Variants in PLXNA2 observed in about 807,000 individuals in gnomAD.
PLXNA2 encodes plexin A2, also known as plexin-A2.
PLXNA2 carries 91 observed loss-of-function variants against 193.5 expected under a neutral mutation model. That is an observed-to-expected ratio of 0.47 (90% CI 0.40 to 0.56). The LOEUF is 0.56. Ranked by LOEUF, PLXNA2 falls within the 20% of genes least tolerant of loss-of-function variation. The probability of loss-of-function intolerance (pLI) is 0.00; values close to 1 mark genes in which losing one functional copy is unlikely to be tolerated. For synonymous variants in PLXNA2, 997 were observed against 1,027.3 expected (o/e 0.97, Z 0.56); for missense variants, 1,995 against 2,503.2 (o/e 0.80, Z 4.33).
At chr1:208,204,069 G>A (rs1366088587) in intron 3 of PLXNA2, among the ~76,000 whole-genome samples, 1 of 152,192 alleles carries the variant, frequency 6.6e-6, no homozygotes, top group African/African-American at 2.4e-5. Context: ...TGGAGACCTT[G>A]GGTTGGTATG....
At chr1:208,138,779 C>A (rs1319445119) in intron 4 of PLXNA2, among the ~76,000 whole-genome samples, 1 of 152,174 alleles carries the variant, frequency 6.6e-6, no homozygotes, top group African/African-American at 2.4e-5. Flanking sequence ...GTAATCCCAG[C>A]ACTTTGGGAG....
chr1:208,126,056 C>T (rs1354610764), intron 4 of PLXNA2, among the ~76,000 whole-genome samples: 1 of 152,162 alleles, frequency 6.6e-6, no homozygotes, highest in Non-Finnish European at 1.5e-5. Context: ...GTACTGCATC[C>T]CCTCCTTCCA....
In PLXNA2 at chr1:208,040,072, A is replaced by G; in HGVS notation, c.4287-14T>C. ...ACAGACTCTGTCCTGGGGAAGGGAC[A>G]AAGGGTAAGGGGCAGTCCTTCACAG... On this transcript the variant is annotated splice_polypyrimidine_tract_variant and intron_variant, in intron 22 of 31. Coordinates refer to ENST00000367033, the MANE Select transcript of PLXNA2 (RefSeq NM_025179.4). 1 of 1,612,394 alleles carries G rather than the reference A, an allele frequency of 6.2e-7. No individual in the cohort carries two copies. Among genetic ancestry groups the G allele is most frequent in the Non-Finnish European group, 8.5e-7 (1 of 1,178,488 alleles).
intron 3 of PLXNA2, among the ~76,000 whole-genome samples, chr1:208,159,486 AC>A (rs1177966537): frequency 1.3e-5 from 2 of 152,040 alleles, no homozygotes. Context: ...GCACAATCCC[AC>A]GTCCTCCAGC....
intron 6 of PLXNA2, among the ~76,000 whole-genome samples, chr1:208,097,523 T>C (rs1666938438): frequency 1.3e-5 from 2 of 152,196 alleles, no homozygotes; most frequent in African/African-American, 4.8e-5. Flanking sequence ...CACCAACTGC[T>C]TGATGTCTGC....
intron 2 of PLXNA2, among the ~76,000 whole-genome samples, chr1:208,211,372 T>G (rs1275216006): frequency 1.3e-5 from 2 of 152,028 alleles, no homozygotes; most frequent in Admixed American, 1.3e-4. Context: ...TGGAGCATGT[T>G]TGAAAGAAGA....
intron 3 of PLXNA2, among the ~76,000 whole-genome samples, chr1:208,174,940 C>A (rs1476031024): frequency 1.3e-5 from 2 of 152,212 alleles, no homozygotes; most frequent in African/African-American, 4.8e-5. Flanking sequence ...TTGGCCCCTG[C>A]TGATCTGATA....
At chr1:208,109,845 C>T (rs981560216) in intron 4 of PLXNA2, among the ~76,000 whole-genome samples, 1 of 152,240 alleles carries the variant, frequency 6.6e-6, no homozygotes, top group Non-Finnish European at 1.5e-5. Context: ...AGGCTTGAAG[C>T]AACCTGAAGG....
Position 208,040,071 on chromosome 1 carries a change from C to T in PLXNA2, c.4287-13G>A. ...CACAGACTCTGTCCTGGGGAAGGGA[C>T]AAAGGGTAAGGGGCAGTCCTTCACA... On this transcript the variant is annotated splice_polypyrimidine_tract_variant and intron_variant, in intron 22 of 31. Coordinates refer to ENST00000367033, the MANE Select transcript of PLXNA2 (RefSeq NM_025179.4). 1.2e-6 allele frequency: 2 copies of T among 1,612,920 alleles called. No homozygotes were observed. The highest frequency in any genetic ancestry group is 1.7e-6 in the Non-Finnish European group (2 of 1,179,006).
chr1:208,216,416 G>T (rs947898435), intron 2 of PLXNA2, among the ~76,000 whole-genome samples: 2 of 152,138 alleles, frequency 1.3e-5, no homozygotes, highest in African/African-American at 4.8e-5. Context: ...CCCAACTAGC[G>T]TGTAATCTCC....
At chr1:208,110,161 A>T (rs1292165844) in intron 4 of PLXNA2, among the ~76,000 whole-genome samples, 1 of 152,188 alleles carries the variant, frequency 6.6e-6, no homozygotes, top group Non-Finnish European at 1.5e-5. Context: ...TCAGGCAGAG[A>T]AGCCAAGGTA....
intron 4 of PLXNA2, among the ~76,000 whole-genome samples, chr1:208,142,040 C>G (rs1414827343): frequency 6.6e-6 from 1 of 152,238 alleles, no homozygotes; most frequent in East Asian, 1.9e-4. Context: ...AAATCTACCT[C>G]CTAATCACAC....
chr1:208,086,945 C>T (rs904809913), intron 9 of PLXNA2, among the ~76,000 whole-genome samples: 2 of 112,188 alleles, frequency 1.8e-5, no homozygotes, highest in African/African-American at 3.3e-5. Context: ...TGGTCTCTCT[C>T]GCACTCTCTC....
chr1:208,150,724 G>A (rs527946309), intron 3 of PLXNA2, among the ~76,000 whole-genome samples: 4 of 152,286 alleles, frequency 2.6e-5, no homozygotes, highest in African/African-American at 9.6e-5. Flanking sequence ...GTAGAACTAA[G>A]AGGAGTGGCC....
chr1:208,130,359 A>G (rs1353533574), intron 4 of PLXNA2, among the ~76,000 whole-genome samples: 1 of 152,114 alleles, frequency 6.6e-6, no homozygotes, highest in Admixed American at 6.6e-5. Flanking sequence ...GGCATATGAA[A>G]GAGCCTAACA....
intron 3 of PLXNA2, among the ~76,000 whole-genome samples, chr1:208,191,705 C>T (rs1670186177): frequency 6.6e-6 from 1 of 152,210 alleles, no homozygotes; most frequent in Non-Finnish European, 1.5e-5. Context: ...AAGAGTTGAA[C>T]ACAGATACTT....
Position 208,217,958 on chromosome 1 carries a change from G to T in PLXNA2, c.-36C>A. The T allele has an allele frequency of 6.3e-7, 1 of 1,597,398 alleles. No homozygotes were observed. Among genetic ancestry groups the T allele is most frequent in the Non-Finnish European group, 8.5e-7 (1 of 1,177,790 alleles). On this transcript the variant is annotated 5_prime_UTR_variant, in exon 2 of 32. Transcript: ENST00000367033. This position sits in a 1 kb window ranked among gnomAD's most constrained non-coding sequence, Gnocchi z 4.7. ...GCGGCGGTGAGGAGACGGCTCCTGT[G>T]TGTGCTCATCTGCTCCACCTTCCCC... is the stretch of plus-strand genomic sequence containing the variant.
At chr1:208,116,163 C>T (rs1667634354) in intron 4 of PLXNA2, among the ~76,000 whole-genome samples, 1 of 152,210 alleles carries the variant, frequency 6.6e-6, no homozygotes, top group Admixed American at 6.5e-5. Context: ...TGTGCAAATC[C>T]CTGGGCCCTC....
At chr1:208,121,195 A>G (rs888789520) in intron 4 of PLXNA2, among the ~76,000 whole-genome samples, 2 of 152,204 alleles carry the variant, frequency 1.3e-5, no homozygotes, top group African/African-American at 4.8e-5. Flanking sequence ...ACCATGAGCG[A>G]GAGCTGGGCT....
Sources: gnomAD v4.1 joint callset for allele counts (sites outside exome capture counted in the v4.1 genomes callset) on GRCh38, gnomAD v4.1.1 for gene constraint, Gnocchi (gnomAD v3.1) non-coding constraint, MANE v1.5 for transcripts, NCBI Gene and HGNC (gene_info 2026-07-23, HGNC 2026-07-21) for gene names.